The following ZMYM4 variants were observed in gnomAD, a reference collection of about 807,000 sequenced individuals.
ZMYM4 encodes the protein zinc finger MYM-type protein 4.
ZMYM4 carries 31 observed loss-of-function variants against 183.2 expected under a neutral mutation model. The ratio of observed to expected loss-of-function variants is 0.17; its 90% confidence interval spans 0.13 to 0.23. The LOEUF is 0.23. ZMYM4 is among the 10% of genes least tolerant of loss of function. ZMYM4 has a pLI of 1.00. For synonymous variants in ZMYM4, 592 were observed against 631.2 expected, an observed-to-expected ratio of 0.94 and a Z score of 0.93; for missense variants, 1,273 against 1,840.3, an observed-to-expected ratio of 0.69 and a Z score of 5.64.
In ZMYM4 at chr1:35,369,924, A is replaced by G. The variant is rs1004333011; in HGVS notation, c.841-105A>G. The G allele has an allele frequency of 7.2e-6, 5 of 699,168 alleles. No individual in the cohort carries two copies. The African/African-American group carries it at 9.2e-5, about 13-fold the overall frequency. 43.3% of individuals were successfully genotyped at this position (699,168 alleles called of 1,614,324 possible). A position where few individuals can be genotyped will look rare whatever the true frequency, so the allele number is the denominator to read the frequency against. ...ATTATTTCTTACTAATGTTTTAAACATTTTCCACCTCTATATAGTGGTAGT... is the reference window on the plus strand; with the variant it reads ...ATTATTTCTTACTAATGTTTTAAACGTTTTCCACCTCTATATAGTGGTAGT... On this transcript the variant is annotated intron_variant, in intron 5 of 29. Transcript: ENST00000314607.
intron 5 of ZMYM4, among the ~76,000 whole-genome samples, chr1:35,362,823 C>T (rs1643971946): frequency 6.6e-6 from 1 of 152,168 alleles, no homozygotes; most frequent in South Asian, 2.1e-4. Context: ...CCAGCTCAGC[C>T]TCTTGAGTAG....
intron 2 of ZMYM4, among the ~76,000 whole-genome samples, chr1:35,341,076 A>G (rs192602697): frequency 1.2e-4 from 18 of 151,550 alleles, no homozygotes; most frequent in Non-Finnish European, 2.2e-4. Flanking sequence ...CTATTAATAT[A>G]TTTATTTTTA....
chr1:35,276,641 C>T (rs1022695729), intron 1 of ZMYM4, among the ~76,000 whole-genome samples: 3 of 151,840 alleles, frequency 2.0e-5, no homozygotes, highest in African/African-American at 7.3e-5. Context: ...GAGTTTTGCC[C>T]TTGTTGCCCA....
At chr1:35,273,629 AAGAG>A (rs1267267201) in intron 1 of ZMYM4, among the ~76,000 whole-genome samples, 3 of 152,298 alleles carry the variant, frequency 2.0e-5, no homozygotes, top group Non-Finnish European at 4.4e-5. Flanking sequence ...ATGCTTAAAA[AAGAG>A]AGAAAGCATA....
intron 5 of ZMYM4, among the ~76,000 whole-genome samples, chr1:35,362,410 T>TA (rs758462759): frequency 6.8e-4 from 103 of 152,332 alleles, no homozygotes; most frequent in Non-Finnish European, 2.6e-4. Flanking sequence ...TGAAGTCAGC[T>TA]AAGCTATCCA....
chr1:35,383,546 G>A (rs1644510747), intron 9 of ZMYM4, among the ~76,000 whole-genome samples: 1 of 151,002 alleles, frequency 6.6e-6, no homozygotes, highest in Admixed American at 6.6e-5. Flanking sequence ...CCTTATTTTT[G>A]TTCTCAAAGA....
At position 35,383,765 on chromosome 1, in the gene ZMYM4, G is replaced by A. The variant is rs191146924; in HGVS notation, c.1570-1677G>A. ...AGTCAAAACCTATTAAATTTTTCAT[G>A]TATTATATCTGCTGTGGTAGAGAAA... On this transcript the variant is annotated intron_variant, in intron 9 of 29. Transcript: ENST00000314607. Among the ~76,000 whole-genome samples, 890 of 152,188 alleles carry A rather than the reference G, an allele frequency of 5.8e-3. 5 individuals carry two copies. The highest frequency in any genetic ancestry group is 8.0e-3 in the Non-Finnish European group (543 of 67,996).
intron 9 of ZMYM4, among the ~76,000 whole-genome samples, 185 bp from the exon 10 acceptor site, chr1:35,385,257 A>G (rs1210241329): frequency 6.6e-6 from 1 of 152,242 alleles, no homozygotes; most frequent in Non-Finnish European, 1.5e-5. Context: ...TACATGCATC[A>G]TACACAAATG....
intron 1 of ZMYM4, among the ~76,000 whole-genome samples, chr1:35,302,108 T>C (rs1041666830): frequency 2.0e-5 from 3 of 151,966 alleles, no homozygotes; most frequent in Non-Finnish European, 4.4e-5. Context: ...GAGCGCAGTC[T>C]CTAGAACAAG....
At chr1:35,365,642 A>G (rs1024128314) in intron 5 of ZMYM4, among the ~76,000 whole-genome samples, 2 of 152,200 alleles carry the variant, frequency 1.3e-5, no homozygotes, top group African/African-American at 4.8e-5. Context: ...CATTTCTAAA[A>G]TACTTTCATG....
At chr1:35,416,184 CAATAG>C (rs770253190) in intron 28 of ZMYM4, among the ~76,000 whole-genome samples, 4 of 152,058 alleles carry the variant, frequency 2.6e-5, no homozygotes, top group Non-Finnish European at 4.4e-5. Flanking sequence ...CTTTTGTACA[CAATAG>C]AATAATAGCA....
chr1:35,310,795 C>G (rs1489126362), intron 1 of ZMYM4, among the ~76,000 whole-genome samples: 1 of 152,080 alleles, frequency 6.6e-6, no homozygotes, highest in Non-Finnish European at 1.5e-5. Context: ...CCAGGTTGGT[C>G]TCGAGCTCCT....
At chr1:35,395,016 G>GCTATC (rs1449874749) in intron 18 of ZMYM4, among the ~76,000 whole-genome samples, 3 of 152,082 alleles carry the variant, frequency 2.0e-5, no homozygotes, top group Non-Finnish European at 4.4e-5. Flanking sequence ...GAGCTGCAAG[G>GCTATC]CTATCCTGTC....
At position 35,268,926 on chromosome 1, in the gene ZMYM4, G is replaced by T; in HGVS notation, c.-121G>T. On this transcript the variant is annotated 5_prime_UTR_variant, in exon 1 of 30. Coordinates refer to ENST00000314607, the MANE Select transcript of ZMYM4 (RefSeq NM_005095.3). ...CCTCCCCACTCTCGGCGCAAGGCCCGGCCGGGTCCGGGGAAGCTGCCGCGA... is the reference window on the plus strand; with the variant it reads ...CCTCCCCACTCTCGGCGCAAGGCCCTGCCGGGTCCGGGGAAGCTGCCGCGA... 1 of 1,185,000 alleles carries T rather than the reference G, an allele frequency of 8.4e-7. No homozygotes were observed. Among genetic ancestry groups the T allele is most frequent in the Non-Finnish European group, 1.1e-6 (1 of 923,016 alleles). 73.4% of individuals were successfully genotyped at this position (1,185,000 alleles called of 1,614,324 possible).
intron 2 of ZMYM4, among the ~76,000 whole-genome samples, chr1:35,348,010 A>G (rs1191160617): frequency 3.3e-5 from 5 of 152,196 alleles, no homozygotes; most frequent in Non-Finnish European, 5.9e-5. Flanking sequence ...CAGTTTATAT[A>G]GATACCTCTA....
At position 35,398,947 on chromosome 1, in the gene ZMYM4, G is replaced by A. The variant is rs759257024; in HGVS notation, c.3337G>A (p.Ala1113Thr). 2 of 1,614,132 alleles carry A rather than the reference G, an allele frequency of 1.2e-6. No homozygotes were observed. The highest frequency in any genetic ancestry group is 2.2e-5 in the South Asian group (2 of 91,084). ...CTGGGAGGAAGAGCTGAATCACTAT[G>A]CCTTAAAGTCAAATGCTGTGCAAGA... ...HSWEEELNHYALKSNAVQEAD... is the reference protein window; with the variant it reads ...HSWEEELNHYTLKSNAVQEAD... The change falls in exon 22 of 30, where the codon GCC becomes ACC. Residue 1113 changes from alanine (A) to threonine (T), a missense_variant. Around this residue, in one of 6 missense-constraint regions of ZMYM4, gnomAD observed 290 missense variants for 353.3 expected, o/e 0.82. Transcript: ENST00000314607.
chr1:35,298,901 A>T (rs1641145512), intron 1 of ZMYM4, among the ~76,000 whole-genome samples: 1 of 152,068 alleles, frequency 6.6e-6, no homozygotes, highest in Admixed American at 6.6e-5. Flanking sequence ...CTTAGGGTAG[A>T]TGCTTGTTTT....
chr1:35,421,945 T>A lies in ZMYM4; in HGVS notation c.*2268T>A, dbSNP rs1023088867. 1 of 152,338 alleles carries A rather than the reference T, an allele frequency of 6.6e-6. No homozygotes were observed. The highest frequency in any genetic ancestry group is 1.9e-4 in the East Asian group (1 of 5,190). The allele number at this position is 152,338 out of a possible 1,614,324, so 9.4% of individuals were successfully genotyped here. The stretch of plus-strand genomic sequence containing the variant: ...AATAAAATAGTATATTTGTATTTGA[T>A]GGGTGAGTTCTTCTTCTTTACGTCT... On this transcript the variant is annotated 3_prime_UTR_variant, in exon 30 of 30. Transcript: ENST00000314607.
chr1:35,361,182 T>C lies in ZMYM4; in HGVS notation c.608-12T>C, dbSNP rs749771062. The C allele has an allele frequency of 3.8e-6, 6 of 1,578,892 alleles. No homozygotes were observed. Among genetic ancestry groups the C allele is most frequent in the African/African-American group, 2.8e-5 (2 of 72,466 alleles). On this transcript the variant is annotated splice_polypyrimidine_tract_variant and intron_variant, in intron 3 of 29. Coordinates refer to ENST00000314607, the MANE Select transcript of ZMYM4 (RefSeq NM_005095.3). ...TACATGTGTTTGTTTGTTTTTTTTT[T>C]CCTTTCAATAGCTAATCAAGTTGAA... is the stretch of plus-strand genomic sequence containing the variant.
Sources: allele counts gnomAD v4.1 joint callset (sites outside exome capture counted in the v4.1 genomes callset), GRCh38; gene constraint gnomAD v4.1.1; regional missense constraint gnomAD v4.1.1; transcripts MANE v1.5; gene names NCBI Gene and HGNC (gene_info 2026-07-23, HGNC 2026-07-21).